LHX4: variants seen among roughly 807,000 people sequenced by gnomAD.
LHX4 encodes the protein LIM homeobox 4, also known as LIM/homeobox protein Lhx4.
Under a neutral mutation model 39.2 loss-of-function variants are expected in LHX4, and 16 were observed. The ratio of observed to expected loss-of-function variants is 0.41; its 90% CI spans 0.28 to 0.62. The LOEUF (loss-of-function observed/expected upper bound fraction) is 0.62, where lower values mean the gene tolerates loss of function less well. Among genes scored for constraint, LHX4 ranks in the 20% least tolerant of loss-of-function variants. The pLI, the probability that LHX4 is intolerant of heterozygous loss-of-function variation, is 0.33. For missense variants in LHX4, 439 were observed against 511.9 expected (o/e 0.86, Z 1.37); for synonymous variants, 206 against 198.1 (o/e 1.04, Z -0.33).
chr1:180,259,707 G>A lies in LHX4; in HGVS notation c.249-6685G>A, dbSNP rs543476491. On this transcript the variant is annotated intron_variant, in intron 2 of 5. Coordinates refer to ENST00000263726, the MANE Select transcript of LHX4 (RefSeq NM_033343.4). ...TGCTGGGGTGGGGCAGGCGCAGGGC[G>A]GAGAGAGGGCAGGGTCCAGGGTGTG... 7.9e-5 allele frequency among the ~76,000 whole-genome samples: 12 copies of A among 151,870 alleles called. 1 individual carries two copies. The highest frequency in any genetic ancestry group is 2.2e-4 in the African/African-American group (9 of 41,140).
chr1:180,274,515 G>T lies in LHX4; in HGVS notation c.1109G>T (p.Gly370Val). 1.9e-6 allele frequency: 3 copies of T among 1,609,890 alleles called. No individual in the cohort carries two copies. The highest frequency in any genetic ancestry group is 2.5e-6 in the Non-Finnish European group (3 of 1,178,036). ...TSDISTGSSV[G>V]YPDFPTSPGS... ...GACATCTCCACAGGAAGCAGTGTAG[G>T]CTATCCCGACTTTCCAACTAGCCCA... The change falls in exon 6 of 6, where the codon GGC (glycine) becomes GTC (valine). Residue 370 changes from glycine to valine, a missense_variant. Physicochemically the swap from Gly to Val is moderately radical, Grantham distance 109. Transcript: ENST00000263726.
At position 180,230,641 on chromosome 1, in the gene LHX4, A is replaced by G. The variant is rs1571250658; in HGVS notation, c.76+36A>G. ...CCCCTTTCTCGCTGATTTAATTCTAACAAGACAGCTAGCAGCCTCAGCCGC... is the reference window on the plus strand; with the variant it reads ...CCCCTTTCTCGCTGATTTAATTCTAGCAAGACAGCTAGCAGCCTCAGCCGC... On this transcript the variant is annotated intron_variant, in intron 1 of 5. Coordinates refer to ENST00000263726, the MANE Select transcript of LHX4 (RefSeq NM_033343.4). The surrounding 1 kb of genome is among the most constrained non-coding windows in gnomAD (Gnocchi z 5.8). The G allele has an allele frequency of 6.3e-7, 1 of 1,576,544 alleles. No individual in the cohort carries two copies. Among genetic ancestry groups the G allele is most frequent in the Non-Finnish European group, 8.7e-7 (1 of 1,147,218 alleles).
At position 180,266,893 on chromosome 1, in the gene LHX4, GC is replaced by G. The variant is rs1648341774; in HGVS notation, c.451+301del. 6.6e-6 allele frequency among the ~76,000 whole-genome samples: 1 copy of G among 152,208 alleles called. No individual in the cohort carries two copies. Among genetic ancestry groups the G allele is most frequent in the African/African-American group, 2.4e-5 (1 of 41,458 alleles). On this transcript the variant is annotated intron_variant, in intron 3 of 5. Transcript: ENST00000263726. The surrounding 1 kb of genome is among the most constrained non-coding windows in gnomAD (Gnocchi z 5.7). ...GAACCTGGTTGTTACCATGGTGGTG[GC>G]CTCCTTCCCTGGGTGGAGGCTGGGG...
intron 2 of LHX4, among the ~76,000 whole-genome samples, chr1:180,258,095 G>A (rs150327620): frequency 1.3e-5 from 2 of 152,342 alleles, no homozygotes; most frequent in African/African-American, 2.4e-5. Context: ...TGAACAAGAC[G>A]GATAAAGACC....
In LHX4 at chr1:180,234,172, TATATATATATATATATATATATATA is replaced by T. The variant is rs1664251034; in HGVS notation, c.76+3568_76+3592del. 1.6e-4 allele frequency among the ~76,000 whole-genome samples: 1 copy of T among 6,088 alleles called. No homozygotes were observed. The highest frequency in any genetic ancestry group is 9.0e-4 in the African/African-American group (1 of 1,116). The allele number at this position is 6,088 out of a possible 152,430, so 4.0% of individuals were successfully genotyped here. Reference sequence around the variant, plus strand: ...AGACACACACAACACACACAAATTATATATATATATATATATATATATATATATATATATATATATATATATATAA... The same window carrying T: ...AGACACACACAACACACACAAATTATTATATATATATATATATATATATAA... On this transcript the variant is annotated intron_variant, in intron 1 of 5. Transcript: ENST00000263726. The surrounding 1 kb of genome is among the most constrained non-coding windows in gnomAD (Gnocchi z 4.8).
At chr1:180,250,453 G>A (rs1298607386) in intron 2 of LHX4, among the ~76,000 whole-genome samples, 1 of 152,196 alleles carries the variant, frequency 6.6e-6, no homozygotes, top group African/African-American at 2.4e-5. Context: ...GGGGTCGGGT[G>A]AGCTGCCCTG....
At chr1:180,229,117 AGCGTTTCTC>A (rs1286843854), upstream of LHX4, among the ~76,000 whole-genome samples, 4 of 152,302 alleles carry the variant, frequency 2.6e-5, no homozygotes, top group African/African-American at 9.6e-5. Context: ...ATTTGTTTTA[AGCGTTTCTC>A]TACCTGTCCA....
At chr1:180,262,974 G>T (rs1039815969) in intron 2 of LHX4, among the ~76,000 whole-genome samples, 2 of 152,204 alleles carry the variant, frequency 1.3e-5, no homozygotes, top group Non-Finnish European at 2.9e-5. Context: ...CTCCTGGGGG[G>T]ACTGGTTGTC....
chr1:180,243,241 G>A (rs1478536619), intron 1 of LHX4, among the ~76,000 whole-genome samples: 1 of 151,844 alleles, frequency 6.6e-6, no homozygotes, highest in Non-Finnish European at 1.5e-5. Context: ...TGCCTGTCTC[G>A]TCCTCCTAAA....
Position 180,271,994 on chromosome 1 carries a change from C to T in LHX4, c.766C>T (p.Leu256=). The stretch of plus-strand genomic sequence containing the variant: ...GGACTGTGGGGTTAGTGACAGTGAG[C>T]TGAGCTTCCGAGGTGAGCAGGGCTG... ...AEDCGVSDSE[L]SFREDQILSE... is the part of the protein sequence containing the mutation. Residue 256 remains leucine (L), a synonymous_variant, in exon 5 of 6, where the codon CTG becomes TTG. Coordinates refer to ENST00000263726, the MANE Select transcript of LHX4 (RefSeq NM_033343.4). 6.2e-7 allele frequency: 1 copy of T among 1,612,398 alleles called. No homozygotes were observed. Among genetic ancestry groups the T allele is most frequent in the Non-Finnish European group, 8.5e-7 (1 of 1,179,556 alleles).
intron 3 of LHX4, chr1:180,269,685 A>C (rs564814585): frequency 6.6e-6 from 1 of 152,350 alleles, no homozygotes; most frequent in African/African-American, 2.4e-5. Flanking sequence ...ACATTTTTTA[A>C]TATAAAGATT....
chr1:180,230,368 C>G lies in LHX4; in HGVS notation c.-162C>G, dbSNP rs1416988512. Reference sequence around the variant, plus strand: ...GGGACTGGCGGGGGGAGGGGGCCGGCCAGCCTGTGGAGTCCTCCCTGAGAA... The same window carrying G: ...GGGACTGGCGGGGGGAGGGGGCCGGGCAGCCTGTGGAGTCCTCCCTGAGAA... On this transcript the variant is annotated 5_prime_UTR_variant, in exon 1 of 6. Transcript: ENST00000263726. The surrounding 1 kb of genome is among the most constrained non-coding windows in gnomAD (Gnocchi z 5.8). The G allele has an allele frequency of 1.5e-6, 1 of 660,430 alleles. No individual in the cohort carries two copies. The highest frequency in any genetic ancestry group is 2.7e-5 in the East Asian group (1 of 36,538). The allele number at this position is 660,430 out of a possible 1,614,324, so 40.9% of individuals were successfully genotyped here. A position where few individuals can be genotyped will look rare whatever the true frequency, so the allele number is the denominator to read the frequency against.
In LHX4 at chr1:180,263,471, G is replaced by A. The variant is rs558096414; in HGVS notation, c.249-2921G>A. ...GTGATCTGCAGGGCTGGGCTGGGCC[G>A]GGGGAGCCTTGTGGGCCAAGGAGGT... On this transcript the variant is annotated intron_variant, in intron 2 of 5. Transcript: ENST00000263726. 4.5e-5 allele frequency among the ~76,000 whole-genome samples: 6 copies of A among 132,432 alleles called. No individual in the cohort carries two copies. In the South Asian group the frequency reaches 1.3e-3, roughly 28 times the overall value. The allele number at this position is 132,432 out of a possible 152,430, so 86.9% of individuals were successfully genotyped here. A position where few individuals can be genotyped will look rare whatever the true frequency, so the allele number is the denominator to read the frequency against.
chr1:180,244,593 T>C (rs2149255249), intron 1 of LHX4, among the ~76,000 whole-genome samples: 1 of 152,316 alleles, frequency 6.6e-6, no homozygotes, highest in Middle Eastern at 3.4e-3. Flanking sequence ...AAAATAAATT[T>C]TATGGGCATA....
rs1649063173 is a variant in LHX4 at position 180,276,839 on chromosome 1, G to C, written c.*2260G>C. The C allele has an allele frequency of 6.7e-6, 1 of 150,098 alleles. No individual in the cohort carries two copies. Among genetic ancestry groups the C allele is most frequent in the African/African-American group, 2.5e-5 (1 of 40,690 alleles). 9.3% of individuals were successfully genotyped at this position (150,098 alleles called of 1,614,324 possible). ...GGGAGAGCAGGCTTTTTAAAAGGGG[G>C]GGGGGCATCCTCCTCTGTGTAGCAC... is the stretch of plus-strand genomic sequence containing the variant. On this transcript the variant is annotated 3_prime_UTR_variant, in exon 6 of 6. Transcript: ENST00000263726.
chr1:180,251,918 A>G (rs1284130136), intron 2 of LHX4, among the ~76,000 whole-genome samples: 1 of 152,178 alleles, frequency 6.6e-6, no homozygotes, highest in Non-Finnish European at 1.5e-5. Flanking sequence ...CCCTCCTGTC[A>G]ATGGAGGGCC....
Position 180,232,252 on chromosome 1 carries a change from G to T in LHX4, c.76+1647G>T, listed in dbSNP as rs965747257. On this transcript the variant is annotated intron_variant, in intron 1 of 5. Coordinates refer to ENST00000263726, the MANE Select transcript of LHX4 (RefSeq NM_033343.4). The surrounding 1 kb of genome is among the most constrained non-coding windows in gnomAD (Gnocchi z 5.4). ...TACTAGTGTCCTTGGTACCCAGTAC[G>T]TCTGTGCTTTCATGGCTGTGGTCCG... Among the ~76,000 whole-genome samples, 4 of 152,192 alleles carry T rather than the reference G, an allele frequency of 2.6e-5. No individual in the cohort carries two copies. The highest frequency in any genetic ancestry group is 9.6e-5 in the African/African-American group (4 of 41,456).
At chr1:180,246,324 T>A (rs1020111351) in intron 1 of LHX4, among the ~76,000 whole-genome samples, 9 of 152,244 alleles carry the variant, frequency 5.9e-5, no homozygotes, top group Admixed American at 5.9e-4. Context: ...TAGGTTTAGA[T>A]GTGTTTAAAA....
chr1:180,230,025 G>C (rs1664135014), upstream of LHX4, among the ~76,000 whole-genome samples: 3 of 117,496 alleles, frequency 2.6e-5, no homozygotes, highest in African/African-American at 1.2e-4. This position sits in a 1 kb window ranked among gnomAD's most constrained non-coding sequence, Gnocchi z 5.8. Context: ...GCCCCCCTCC[G>C]CCCCGCCGGC....
Sources: gnomAD v4.1 joint callset for allele counts (sites outside exome capture counted in the v4.1 genomes callset) on GRCh38, gnomAD v4.1.1 for gene constraint, Gnocchi (gnomAD v3.1) non-coding constraint, MANE v1.5 for transcripts, NCBI Gene and HGNC (gene_info 2026-07-23, HGNC 2026-07-21) for gene names.